Variants in TMTC2 observed in about 807,000 individuals in gnomAD.
TMTC2 encodes the protein transmembrane O-mannosyltransferase targeting cadherins 2.
A neutral mutation model predicts 82.4 loss-of-function variants in TMTC2; 43 were observed. That is an observed-to-expected ratio of 0.52 (90% CI 0.41 to 0.67). The LOEUF (loss-of-function observed/expected upper bound fraction) is 0.67. Ranked by LOEUF, TMTC2 falls within the 30% of genes least tolerant of loss-of-function variation. The pLI is 0.00. For missense variants in TMTC2, 919 were observed against 1,012.4 expected, an observed-to-expected ratio of 0.91 and a Z score of 1.25; for synonymous variants, 408 against 381.9, an observed-to-expected ratio of 1.07 and a Z score of -0.80.
At chr12:82,866,219 C>G (rs1391312297) in intron 2 of TMTC2, among the ~76,000 whole-genome samples, 1 of 148,530 alleles carries the variant, frequency 6.7e-6, no homozygotes, top group East Asian at 2.0e-4. Flanking sequence ...ATCAATGAAT[C>G]CAGGAGCTGG....
At chr12:83,055,399 A>T (rs933691653) in intron 10 of TMTC2, among the ~76,000 whole-genome samples, 3 of 152,016 alleles carry the variant, frequency 2.0e-5, no homozygotes, top group African/African-American at 4.8e-5. Flanking sequence ...TAGTACTTCA[A>T]ACAAAGTGAA....
intron 3 of TMTC2, among the ~76,000 whole-genome samples, chr12:82,920,200 G>GA (rs1875302204): frequency 1.3e-5 from 2 of 151,874 alleles, no homozygotes; most frequent in African/African-American, 4.8e-5. Context: ...ACTAACATAA[G>GA]AAAAAATCTT....
intron 1 of TMTC2, among the ~76,000 whole-genome samples, chr12:82,827,834 A>C (rs572162139): frequency 2.0e-5 from 3 of 150,750 alleles, no homozygotes; most frequent in Non-Finnish European, 4.4e-5. Context: ...AGTTGTTCGG[A>C]CTATGGATGC....
At chr12:82,784,201 C>G (rs1286760651) in intron 1 of TMTC2, among the ~76,000 whole-genome samples, 1 of 151,798 alleles carries the variant, frequency 6.6e-6, no homozygotes, top group Non-Finnish European at 1.5e-5. Flanking sequence ...TAAATGGAAA[C>G]CCGAATAATG....
At position 83,050,988 on chromosome 12, in the gene TMTC2, A is replaced by G; in HGVS notation, c.2237A>G (p.Asp746Gly). 1.9e-6 allele frequency: 3 copies of G among 1,612,366 alleles called. No individual in the cohort carries two copies. The highest frequency in any genetic ancestry group is 1.7e-6 in the Non-Finnish European group (2 of 1,179,002). The change falls in exon 10 of 12, where the codon GAT becomes GGT. Residue 746 changes from aspartate to glycine, a missense_variant. Physicochemically the swap from Asp to Gly is moderately conservative, Grantham distance 94. Coordinates refer to ENST00000321196, the MANE Select transcript of TMTC2 (RefSeq NM_152588.3). The part of the protein sequence containing the change: ...KAAELDSTEF[D>G]VVFNAAHMLR... Reference sequence around the variant, plus strand: ...GCTGAACTAGACAGCACAGAGTTTGATGTTGTCTTCAATGCTGCCCACATG... The same window carrying G: ...GCTGAACTAGACAGCACAGAGTTTGGTGTTGTCTTCAATGCTGCCCACATG...
At chr12:82,955,804 AATC>A (rs1877581748) in intron 4 of TMTC2, among the ~76,000 whole-genome samples, 1 of 152,150 alleles carries the variant, frequency 6.6e-6, no homozygotes, top group Non-Finnish European at 1.5e-5. Flanking sequence ...CTAAAAGATA[AATC>A]ATTAGAGGAG....
At chr12:83,109,405 A>T (rs1435781348) in intron 11 of TMTC2, among the ~76,000 whole-genome samples, 4 of 152,200 alleles carry the variant, frequency 2.6e-5, no homozygotes, top group Non-Finnish European at 4.4e-5. Flanking sequence ...TGGGAATTAC[A>T]ATTAGACATG....
chr12:82,864,708 G>A (rs373123298), intron 2 of TMTC2, among the ~76,000 whole-genome samples: 33 of 151,246 alleles, frequency 2.2e-4, no homozygotes, highest in Admixed American at 5.9e-4. Flanking sequence ...TCACCATGTT[G>A]GCCAGGATGG....
rs1411320750 is a variant in TMTC2 at position 83,030,795 on chromosome 12, A to G, written c.2071-3A>G. ...GAATCATCCATTTTCTCTGTTTTTC[A>G]AGGGTCGTAAGAGTGAGGCTGAAAA... On this transcript the variant is annotated splice_region_variant and splice_polypyrimidine_tract_variant and intron_variant, in intron 8 of 11. Coordinates refer to ENST00000321196, the MANE Select transcript of TMTC2 (RefSeq NM_152588.3). 6.2e-7 allele frequency: 1 copy of G among 1,611,534 alleles called. No individual in the cohort carries two copies. The highest frequency in any genetic ancestry group is 1.7e-5 in the Admixed American group (1 of 59,994).
intron 1 of TMTC2, among the ~76,000 whole-genome samples, chr12:82,774,581 A>C (rs570557571): frequency 2.0e-5 from 3 of 151,762 alleles, no homozygotes; most frequent in Admixed American, 2.0e-4. Flanking sequence ...AGATTGAGCC[A>C]CTGCACTCCA....
intron 1 of TMTC2, among the ~76,000 whole-genome samples, chr12:82,728,822 CG>C (rs1016526569): frequency 5.3e-5 from 8 of 152,216 alleles, no homozygotes; most frequent in African/African-American, 1.4e-4. Context: ...CAGGCCAGCG[CG>C]AGTTCCAGGT....
intron 1 of TMTC2, among the ~76,000 whole-genome samples, chr12:82,850,321 G>A (rs1055404660): frequency 6.6e-6 from 1 of 152,094 alleles, no homozygotes; most frequent in Non-Finnish European, 1.5e-5. Flanking sequence ...AGGCTAATTC[G>A]CAAAAGCAGC....
chr12:82,860,459 G>A (rs1483693506), intron 2 of TMTC2, among the ~76,000 whole-genome samples: 3 of 152,176 alleles, frequency 2.0e-5, no homozygotes, highest in Admixed American at 6.5e-5. Flanking sequence ...ACAAATATAG[G>A]TAAAGTCAAT....
chr12:83,072,181 A>G (rs1883142790), intron 11 of TMTC2, among the ~76,000 whole-genome samples: 1 of 152,076 alleles, frequency 6.6e-6, no homozygotes, highest in South Asian at 2.1e-4. Context: ...CTTTTGCTGT[A>G]TCCCTGAGGT....
At chr12:82,848,344 A>T (rs779761511) in intron 1 of TMTC2, among the ~76,000 whole-genome samples, 3 of 152,072 alleles carry the variant, frequency 2.0e-5, no homozygotes, top group Admixed American at 6.6e-5. Flanking sequence ...AACTTTTTAC[A>T]TGTATGCAGA....
intron 2 of TMTC2, among the ~76,000 whole-genome samples, chr12:82,863,524 A>G (rs909871592): frequency 6.6e-6 from 1 of 152,192 alleles, no homozygotes; most frequent in South Asian, 2.1e-4. Context: ...CAATGTTCAA[A>G]AATATTTTAC....
intron 3 of TMTC2, among the ~76,000 whole-genome samples, chr12:82,918,701 C>CT (rs1328986092): frequency 6.8e-6 from 1 of 146,926 alleles, no homozygotes; most frequent in Non-Finnish European, 1.5e-5. Context: ...TTTATTTTAT[C>CT]TTTTTTCTTT....
intron 11 of TMTC2, among the ~76,000 whole-genome samples, chr12:83,077,872 C>T (rs1274007812): frequency 1.7e-5 from 2 of 118,382 alleles, no homozygotes; most frequent in Non-Finnish European, 3.5e-5. Context: ...CATGCCCAGA[C>T]AATCTGTCTT....
chr12:82,745,579 A>C (rs1443493803), intron 1 of TMTC2, among the ~76,000 whole-genome samples: 1 of 152,196 alleles, frequency 6.6e-6, no homozygotes, highest in East Asian at 1.9e-4. Flanking sequence ...TTACCAGTAA[A>C]CATTGTACAT....
Sources: allele counts gnomAD v4.1 joint callset (sites outside exome capture counted in the v4.1 genomes callset), GRCh38; gene constraint gnomAD v4.1.1; transcripts MANE v1.5; gene names NCBI Gene and HGNC (gene_info 2026-07-23, HGNC 2026-07-21).